Variants in IL12B observed in about 807,000 individuals in gnomAD.
IL12B encodes the protein interleukin 12B.
In IL12B, 27 loss-of-function variants were observed where a neutral mutation model predicts 39.2. The observed-to-expected ratio is 0.69, with a 90% CI of 0.51 to 0.95. IL12B has a LOEUF of 0.95. IL12B is among the 40% of genes least tolerant of loss of function. The pLI is 0.00. For synonymous variants in IL12B, 142 were observed against 152.1 expected, an observed-to-expected ratio of 0.93 and a Z score of 0.49; for missense variants, 351 against 397.6, an observed-to-expected ratio of 0.88 and a Z score of 1.00.
At chr5:159,317,968 G>A (rs1426650337) in intron 6 of IL12B, 1 of 152,344 alleles carries the variant, frequency 6.6e-6, no homozygotes. Flanking sequence ...CTAGCTGGGT[G>A]ACCTTGGTAA....
At position 159,320,376 on chromosome 5, in the gene IL12B, C is replaced by T. The variant is rs905944344; in HGVS notation, c.627G>A (p.Glu209=). 2.5e-6 allele frequency: 4 copies of T among 1,614,060 alleles called. No homozygotes were observed. The African/African-American group carries it at 5.3e-5, about 22-fold the overall frequency. The change falls in exon 5 of 8, where the codon GAG becomes GAA. Residue 209 remains glutamate, a synonymous_variant. Coordinates refer to ENST00000231228, the MANE Select transcript of IL12B (RefSeq NM_002187.3). The part of the protein sequence containing the change: ...CPAAEESLPI[E]VMVDAVHKLK... ...GCTTGTGAACGGCATCCACCATGAC[C>T]TCAATGGGCAGACTCTCCTCAGCAG...
intron 6 of IL12B, among the ~76,000 whole-genome samples, chr5:159,317,396 G>A (rs1185234017): frequency 6.6e-6 from 1 of 152,210 alleles, no homozygotes; most frequent in East Asian, 1.9e-4. Context: ...TCACCTATTA[G>A]TCATACAGAT....
rs1584756053 is a variant in IL12B at position 159,325,149 on chromosome 5, C to G, written c.88+1546G>C. Among the ~76,000 whole-genome samples the G allele has an allele frequency of 2.0e-5, 3 of 152,270 alleles. No homozygotes were observed. The South Asian group carries it at 6.2e-4, about 32-fold the overall frequency. On this transcript the variant is annotated intron_variant, in intron 2 of 7. Transcript: ENST00000231228. ...ACTTAGCCTCACTGCATCGTCTGCC[C>G]TCCTAAGTCACACCTCGGAGAGTTT...
rs1754109058 is a variant in IL12B, at chr5:159,322,458, A to G, written c.418T>C (p.Phe140Leu). The G allele has an allele frequency of 1.9e-6, 3 of 1,613,938 alleles. No individual in the cohort carries two copies. The Admixed American group carries it at 5.0e-5, about 27-fold the overall frequency. The stretch of plus-strand genomic sequence containing the variant: ...ATTGTCGTCAGCCACCAGCAGGTGA[A>G]ACGTCCAGAATAATTCTTGGCCTCG... ...RCEAKNYSGR[F>L]TCWWLTTIST... The change falls in exon 4 of 8, where the codon TTC (phenylalanine) becomes CTC (leucine). Residue 140 changes from phenylalanine to leucine, a missense_variant. Coordinates refer to ENST00000231228, the MANE Select transcript of IL12B (RefSeq NM_002187.3).
chr5:159,318,199 TA>T (rs1203889728), intron 6 of IL12B: 1 of 155,606 alleles, frequency 6.4e-6, no homozygotes, highest in Non-Finnish European at 1.4e-5. Flanking sequence ...AAAAAGGGGG[TA>T]AAAAAACAAG....
At chr5:159,319,036 A>C (rs1754039044) in intron 5 of IL12B, 143 bp from the exon 6 acceptor site, 1 of 758,772 alleles carries the variant, frequency 1.3e-6, no homozygotes, top group African/African-American at 1.7e-5. Context: ...TGGCTGGCAA[A>C]TGTGAGGCAC....
intron 6 of IL12B, among the ~76,000 whole-genome samples, chr5:159,317,586 G>T (rs760289567): frequency 1.3e-5 from 2 of 152,246 alleles, no homozygotes; most frequent in Non-Finnish European, 2.9e-5. Flanking sequence ...TGGGGTGAAA[G>T]GAGTCTGGGG....
intron 6 of IL12B, 67 bp from the exon 7 acceptor site, chr5:159,316,883 T>C: frequency 6.4e-7 from 1 of 1,559,910 alleles, no homozygotes; most frequent in African/African-American, 1.4e-5. Flanking sequence ...CTGAGCCTGT[T>C]TCTGCAATGC....
intron 1 of IL12B, among the ~76,000 whole-genome samples, chr5:159,328,130 G>A (rs182302243): frequency 5.9e-5 from 9 of 152,270 alleles, no homozygotes; most frequent in South Asian, 2.1e-4. Context: ...AACTCTAGGC[G>A]GACCTTGCTA....
intron 3 of IL12B, 47 bp from the exon 4 acceptor site, chr5:159,322,558 G>T: frequency 1.6e-6 from 2 of 1,248,648 alleles, no homozygotes; most frequent in Non-Finnish European, 2.4e-6. Flanking sequence ...GTTTTTTGCA[G>T]AAAGGTTTTG....
chr5:159,316,362 A>G (rs556561667), intron 7 of IL12B, among the ~76,000 whole-genome samples: 2 of 152,270 alleles, frequency 1.3e-5, no homozygotes, highest in South Asian at 4.1e-4. Context: ...GGCCCCCAGA[A>G]CAAGATTCTG....
chr5:159,327,424 A>G (rs1481697645), intron 1 of IL12B, among the ~76,000 whole-genome samples: 1 of 152,174 alleles, frequency 6.6e-6, no homozygotes, highest in African/African-American at 2.4e-5. Flanking sequence ...GCGAACTTTC[A>G]GGTTCTGGCA....
At chr5:159,323,944 C>T (rs1342561775) in intron 2 of IL12B, among the ~76,000 whole-genome samples, 1 of 150,540 alleles carries the variant, frequency 6.6e-6, no homozygotes, top group African/African-American at 2.4e-5. Flanking sequence ...ACAGTGTCTG[C>T]CACACAGTAA....
chr5:159,319,589 G>A (rs1460347700), intron 5 of IL12B, among the ~76,000 whole-genome samples: 3 of 152,196 alleles, frequency 2.0e-5, no homozygotes, highest in African/African-American at 4.8e-5. Flanking sequence ...CAAAGATCAC[G>A]GCTCCTAGCA....
intron 3 of IL12B, 61 bp from the exon 4 acceptor site, chr5:159,322,572 G>T: frequency 9.4e-7 from 1 of 1,065,124 alleles, no homozygotes; most frequent in Non-Finnish European, 1.5e-6. Flanking sequence ...GGTTTTGATT[G>T]TGATGAATCA....
rs1233367690 is a variant in IL12B, at chr5:159,314,885, A to G, written c.*1216T>C. On this transcript the variant is annotated 3_prime_UTR_variant, in exon 8 of 8. Transcript: ENST00000231228. Reference sequence around the variant, plus strand: ...TGTAATCACTTTACAGAGCGCACATACATTACTTAAAAGTAGCACCTTCAT... The same window carrying G: ...TGTAATCACTTTACAGAGCGCACATGCATTACTTAAAAGTAGCACCTTCAT... 1 of 152,380 alleles carries G rather than the reference A, an allele frequency of 6.6e-6. No homozygotes were observed. Among genetic ancestry groups the G allele is most frequent in the Non-Finnish European group, 1.5e-5 (1 of 68,040 alleles). The allele number at this position is 152,380 out of a possible 1,614,324, so 9.4% of individuals were successfully genotyped here. A position where few individuals can be genotyped will look rare whatever the true frequency, so the allele number is the denominator to read the frequency against.
intron 3 of IL12B, among the ~76,000 whole-genome samples, chr5:159,322,749 A>G (rs568650429): frequency 2.0e-5 from 3 of 152,338 alleles, no homozygotes; most frequent in African/African-American, 7.2e-5. Flanking sequence ...CCCAGTGCAG[A>G]GTGATACACT....
intron 1 of IL12B, among the ~76,000 whole-genome samples, chr5:159,328,402 G>C (rs910609307): frequency 1.1e-4 from 16 of 152,128 alleles, no homozygotes; most frequent in African/African-American, 3.9e-4. Flanking sequence ...GCAACTTGTT[G>C]GCCAAGTTAC....
intron 5 of IL12B, among the ~76,000 whole-genome samples, chr5:159,320,079 G>T (rs1362073349): frequency 2.0e-5 from 3 of 152,180 alleles, no homozygotes; most frequent in Non-Finnish European, 4.4e-5. Flanking sequence ...GATTTGAACG[G>T]CTAGCTGTAA....
Sources: gnomAD v4.1 joint callset for allele counts (sites outside exome capture counted in the v4.1 genomes callset) on GRCh38, gnomAD v4.1.1 for gene constraint, MANE v1.5 for transcripts, NCBI Gene and HGNC (gene_info 2026-07-23, HGNC 2026-07-21) for gene names.